FRMD6: variants seen among roughly 807,000 people sequenced by gnomAD.
FRMD6 encodes the protein FERM domain-containing protein 6.
In FRMD6, 37 loss-of-function variants were observed where a neutral mutation model predicts 73.2. The observed-to-expected ratio is 0.51, with a 90% CI of 0.39 to 0.66. FRMD6 has a LOEUF of 0.66. FRMD6 is among the 30% of genes least tolerant of loss of function. The pLI, the probability that FRMD6 is intolerant of heterozygous loss-of-function variation, is 0.00. For missense variants in FRMD6, 714 were observed against 780.5 expected (o/e 0.91, Z 1.02); for synonymous variants, 273 against 282.2 (o/e 0.97, Z 0.33).
At chr14:51,702,400 C>T (rs1158448884) in intron 4 of FRMD6, 112 bp from the exon 5 acceptor site, 2 of 823,354 alleles carry the variant, frequency 2.4e-6, no homozygotes, top group East Asian at 2.5e-5. Flanking sequence ...GTAAATAAAA[C>T]CTATCAGTGA....
At chr14:51,702,757 A>C (rs995789430) in intron 5 of FRMD6, among the ~76,000 whole-genome samples, 169 bp downstream of exon 5, 2 of 152,150 alleles carry the variant, frequency 1.3e-5, no homozygotes, top group African/African-American at 4.8e-5. Flanking sequence ...GTATATCCTC[A>C]GTCCCTAAAA....
chr14:51,408,358 T>G, the FRMD6 span, among the ~76,000 whole-genome samples: 2 of 152,106 alleles, frequency 1.3e-5, no homozygotes, highest in Non-Finnish European at 2.9e-5. Flanking sequence ...GTTTTCTCCT[T>G]ATTTTCTCTC....
the FRMD6 span, among the ~76,000 whole-genome samples, chr14:51,457,442 A>G: frequency 3.9e-5 from 6 of 152,290 alleles, no homozygotes; most frequent in Admixed American, 2.0e-4. Flanking sequence ...AAAAGTAGAT[A>G]TGGGAAGCTA....
At chr14:51,502,248 G>C (rs1883668347) in intron 1 of FRMD6, among the ~76,000 whole-genome samples, 1 of 152,074 alleles carries the variant, frequency 6.6e-6, no homozygotes, top group African/African-American at 2.4e-5. Context: ...ATTGCTTTTG[G>C]CATTTTCGTC....
chr14:51,569,509 T>C (rs1887983603), intron 1 of FRMD6, among the ~76,000 whole-genome samples: 1 of 35,556 alleles, frequency 2.8e-5, no homozygotes, highest in South Asian at 9.9e-4. Context: ...CTTTCTTTCT[T>C]TTTTTTTTTT....
At chr14:51,648,536 A>C (rs951852415), upstream of FRMD6, among the ~76,000 whole-genome samples, 5 of 152,222 alleles carry the variant, frequency 3.3e-5, no homozygotes, top group Non-Finnish European at 5.9e-5. Flanking sequence ...CGTGCTTGCA[A>C]GTTTGAGAGC....
the FRMD6 span, among the ~76,000 whole-genome samples, chr14:51,409,061 T>A: frequency 1.3e-5 from 2 of 152,174 alleles, no homozygotes; most frequent in African/African-American, 4.8e-5. Flanking sequence ...CATCCCACAG[T>A]TTGAGAGAGA....
At chr14:51,702,465 A>G in intron 4 of FRMD6, 47 bp from the exon 5 acceptor site, 1 of 1,526,938 alleles carries the variant, frequency 6.5e-7, no homozygotes. Context: ...ACCCATTTTC[A>G]AAGTAACTAG....
chr14:51,627,380 G>A (rs1248643003), intron 2 of FRMD6, among the ~76,000 whole-genome samples: 1 of 152,206 alleles, frequency 6.6e-6, no homozygotes. Flanking sequence ...ATGATTGAAA[G>A]ATAAGGTTTT....
the FRMD6 span, among the ~76,000 whole-genome samples, chr14:51,475,197 A>G: frequency 6.6e-6 from 1 of 152,148 alleles, no homozygotes; most frequent in African/African-American, 2.4e-5. Flanking sequence ...TATATTTTTC[A>G]TTATTTCCTC....
the FRMD6 span, among the ~76,000 whole-genome samples, chr14:51,412,412 T>G: frequency 6.6e-6 from 1 of 152,138 alleles, no homozygotes; most frequent in Non-Finnish European, 1.5e-5. Context: ...TATGCCTTTC[T>G]CTGAAGATGA....
At chr14:51,484,981 C>G (rs1024266558), upstream of FRMD6, among the ~76,000 whole-genome samples, 1 of 152,186 alleles carries the variant, frequency 6.6e-6, no homozygotes, top group Non-Finnish European at 1.5e-5. Context: ...CTGCACTTGG[C>G]CTATGATGCT....
rs767037450 is a variant in FRMD6 at position 51,698,223 on chromosome 14, G to C, written c.181G>C (p.Val61Leu). The C allele has an allele frequency of 6.2e-6, 10 of 1,609,972 alleles. No individual in the cohort carries two copies. The South Asian group carries it at 9.9e-5, about 16-fold the overall frequency. ...LKDCHLFGLS[V>L]IQNNEHVYME... ...GGACTGCCACCTCTTTGGACTCAGT[G>C]TTATACAAAGTAAGTCTTAGAGCCC... Residue 61 changes from valine (V) to leucine (L), a missense_variant, in exon 3 of 14, where the codon GTT becomes CTT. By Grantham distance (32) the Val-to-Leu change is conservative. Coordinates refer to ENST00000344768, the MANE Select transcript of FRMD6 (RefSeq NM_001267046.2).
intron 1 of FRMD6, among the ~76,000 whole-genome samples, chr14:51,547,344 A>C (rs1886529515): frequency 6.6e-6 from 1 of 152,144 alleles, no homozygotes; most frequent in African/African-American, 2.4e-5. Flanking sequence ...TGGGAAGGTG[A>C]TGCTTCTGTT....
intron 1 of FRMD6, among the ~76,000 whole-genome samples, chr14:51,501,817 T>C (rs1046369625): frequency 6.6e-6 from 1 of 152,366 alleles, no homozygotes; most frequent in East Asian, 1.9e-4. Flanking sequence ...TCCACAATGG[T>C]TGAACTAATT....
the FRMD6 span, among the ~76,000 whole-genome samples, chr14:51,402,971 C>CTAA: frequency 0.3 from 45,165 of 151,832 alleles, 7,123 homozygotes; most frequent in African/African-American, 0.4. Context: ...TGAATACAGA[C>CTAA]TAATACACCA....
At chr14:51,468,498 T>G in the FRMD6 span, among the ~76,000 whole-genome samples, 1 of 152,206 alleles carries the variant, frequency 6.6e-6, no homozygotes, top group Non-Finnish European at 1.5e-5. Flanking sequence ...TAATAAGCAT[T>G]TTCTAGATTC....
upstream of FRMD6, chr14:51,649,482 ATGAAACC>A (rs1249819278): frequency 6.6e-6 from 1 of 152,126 alleles, no homozygotes; most frequent in Non-Finnish European, 1.5e-5. Flanking sequence ...ATTTTGATTC[ATGAAACC>A]TGAAAATAAA....
chr14:51,634,393 G>A (rs1891463387), intron 2 of FRMD6, among the ~76,000 whole-genome samples: 2 of 152,318 alleles, frequency 1.3e-5, no homozygotes, highest in South Asian at 2.1e-4. Context: ...ACATGTCTGC[G>A]TGAATTAATG....
Sources: allele counts gnomAD v4.1 joint callset (sites outside exome capture counted in the v4.1 genomes callset), GRCh38; gene constraint gnomAD v4.1.1; transcripts MANE v1.5; gene names NCBI Gene and HGNC (gene_info 2026-07-23, HGNC 2026-07-21).